The following SRPK2 variants were observed in gnomAD, a reference collection of about 807,000 sequenced individuals.
The protein encoded by SRPK2 is SRSF protein kinase 2.
In SRPK2, 21 loss-of-function variants were observed where a neutral mutation model predicts 90.8. The observed-to-expected ratio is 0.23, with a 90% CI of 0.16 to 0.33. The LOEUF is 0.33. SRPK2 is among the 10% of genes least tolerant of loss of function. The probability of loss-of-function intolerance (pLI) is 1.00; values close to 1 mark genes in which losing one functional copy is unlikely to be tolerated. For synonymous variants in SRPK2, 288 were observed against 311.1 expected, an observed-to-expected ratio of 0.93 and a Z score of 0.78; for missense variants, 620 against 869.0, an observed-to-expected ratio of 0.71 and a Z score of 3.60.
intron 2 of SRPK2, among the ~76,000 whole-genome samples, chr7:105,271,446 C>A (rs1257084341): frequency 6.6e-6 from 1 of 152,200 alleles, no homozygotes; most frequent in Non-Finnish European, 1.5e-5. Context: ...ACTCAGAAAT[C>A]AAGGAACGTT....
At chr7:105,324,035 C>T (rs1188814860) in intron 2 of SRPK2, among the ~76,000 whole-genome samples, 4 of 149,724 alleles carry the variant, frequency 2.7e-5, no homozygotes, top group Admixed American at 6.7e-5. Context: ...CTCACATTGT[C>T]GCCCGGGCTG....
At position 105,160,609 on chromosome 7, in the gene SRPK2, G is replaced by T; in HGVS notation, c.519C>A (p.Val173=). The change falls in exon 7 of 16, where the codon GTC becomes GTA. Residue 173 remains valine, a synonymous_variant. Coordinates refer to ENST00000393651, the MANE Select transcript of SRPK2 (RefSeq NM_182692.3). ...FKISGMNGIH[V]CMVFEVLGHH... is the part of the protein sequence containing the mutation. ...GGCCAAGTACTTCGAAGACCATGCA[G>T]ACATCTGGGACACAGTTAAGGATCG... The T allele has an allele frequency of 6.2e-7, 1 of 1,600,602 alleles. No individual in the cohort carries two copies. The highest frequency in any genetic ancestry group is 8.6e-7 in the Non-Finnish European group (1 of 1,167,864).
At chr7:105,383,511 C>A (rs1032872153) in intron 2 of SRPK2, among the ~76,000 whole-genome samples, 5 of 151,732 alleles carry the variant, frequency 3.3e-5, no homozygotes, top group African/African-American at 4.8e-5. Context: ...ACCTCCGTCT[C>A]CCAGGTTCAA....
chr7:105,396,780 GAGAAAGAAAGAAAGAGAA>G (rs1822337536), intron 1 of SRPK2, among the ~76,000 whole-genome samples: 1 of 141,950 alleles, frequency 7.0e-6, no homozygotes, highest in Admixed American at 7.3e-5. Context: ...AAGAAAGAGA[GAGAAAGAAAGAAAGAGAA>G]AGAGAAAGAA....
chr7:105,248,587 G>A (rs1402086699), intron 2 of SRPK2, among the ~76,000 whole-genome samples: 2 of 151,226 alleles, frequency 1.3e-5, no homozygotes, highest in African/African-American at 4.9e-5. Context: ...TGGTAACAGA[G>A]CAAGACCCTA....
At chr7:105,244,440 G>A (rs763809483) in intron 2 of SRPK2, among the ~76,000 whole-genome samples, 10 of 152,206 alleles carry the variant, frequency 6.6e-5, no homozygotes, top group Non-Finnish European at 1.3e-4. Context: ...CATGGTACCA[G>A]GCGCGCGCCT....
At chr7:105,215,917 G>C (rs981886188) in intron 2 of SRPK2, among the ~76,000 whole-genome samples, 1 of 152,048 alleles carries the variant, frequency 6.6e-6, no homozygotes, top group African/African-American at 2.4e-5. Context: ...AGGGCTGGGT[G>C]CAGCTGCACA....
upstream of SRPK2, among the ~76,000 whole-genome samples, chr7:105,390,817 A>T (rs1439352728): frequency 6.6e-6 from 1 of 151,782 alleles, no homozygotes; most frequent in South Asian, 2.1e-4. Flanking sequence ...CAGTTCCACC[A>T]TTTTGCAGAA....
At chr7:105,344,386 C>A (rs1816199787) in intron 2 of SRPK2, among the ~76,000 whole-genome samples, 2 of 150,140 alleles carry the variant, frequency 1.3e-5, no homozygotes, top group Admixed American at 6.7e-5. Context: ...TAGCTAGGAC[C>A]CCAGGTGTAT....
intron 11 of SRPK2, among the ~76,000 whole-genome samples, chr7:105,136,408 T>C (rs570104353): frequency 7.9e-5 from 12 of 152,284 alleles, no homozygotes; most frequent in African/African-American, 2.9e-4. Context: ...GTCACACGGT[T>C]TCCTTCTTAC....
chr7:105,141,914 C>T lies in SRPK2; in HGVS notation c.1543+94G>A. ...AACTGATCAGTACACACACACAGGG[C>T]TTGGCCACTTCCAGCCAATTCCTTC... On this transcript the variant is annotated intron_variant, in intron 11 of 15. Transcript: ENST00000393651. 4 of 1,426,472 alleles carry T rather than the reference C, an allele frequency of 2.8e-6. No individual in the cohort carries two copies. The South Asian group carries it at 5.5e-5, about 20-fold the overall frequency. The allele number at this position is 1,426,472 out of a possible 1,614,324, so 88.4% of individuals were successfully genotyped here.
intron 2 of SRPK2, among the ~76,000 whole-genome samples, chr7:105,365,967 G>A (rs1485968984): frequency 6.6e-6 from 1 of 151,486 alleles, no homozygotes; most frequent in African/African-American, 2.4e-5. Context: ...TGATTCTCCT[G>A]CCTCAGCCTC....
chr7:105,116,187 G>A (rs1489324100), downstream of SRPK2, among the ~76,000 whole-genome samples: 3 of 152,210 alleles, frequency 2.0e-5, no homozygotes, highest in African/African-American at 7.2e-5. Context: ...AATCTATACT[G>A]TAGCTTTTCT....
chr7:105,210,064 C>T (rs1796670600), intron 2 of SRPK2, among the ~76,000 whole-genome samples: 1 of 152,202 alleles, frequency 6.6e-6, no homozygotes. Context: ...GTCTCATCTG[C>T]TCTAAATTGC....
intron 3 of SRPK2, among the ~76,000 whole-genome samples, chr7:105,173,244 A>G (rs1026263556): frequency 3.9e-5 from 6 of 152,166 alleles, no homozygotes; most frequent in African/African-American, 1.4e-4. Context: ...TCAGCCTCCA[A>G]GAAGTACATG....
chr7:105,395,950 T>C (rs1380893085), intron 1 of SRPK2, among the ~76,000 whole-genome samples: 1 of 152,160 alleles, frequency 6.6e-6, no homozygotes, highest in African/African-American at 2.4e-5. Context: ...AGTTTCACTC[T>C]TGTTGCTCGG....
At chr7:105,122,506 C>G (rs188811495) in intron 15 of SRPK2, among the ~76,000 whole-genome samples, 1 of 152,088 alleles carries the variant, frequency 6.6e-6, no homozygotes, top group East Asian at 1.9e-4. Context: ...CTGTCAAATG[C>G]CCACGAAAGA....
chr7:105,120,630 A>G (rs1385106582), intron 15 of SRPK2, among the ~76,000 whole-genome samples: 1 of 152,124 alleles, frequency 6.6e-6, no homozygotes, highest in East Asian at 1.9e-4. Flanking sequence ...GCACTGCAAT[A>G]TAACAAAACA....
chr7:105,294,033 G>A (rs576027618), intron 2 of SRPK2, among the ~76,000 whole-genome samples: 1 of 152,288 alleles, frequency 6.6e-6, no homozygotes, highest in East Asian at 1.9e-4. Context: ...ATCCCTCGGA[G>A]TGATACAACA....
Sources: allele counts gnomAD v4.1 joint callset (sites outside exome capture counted in the v4.1 genomes callset), GRCh38; gene constraint gnomAD v4.1.1; transcripts MANE v1.5; gene names NCBI Gene and HGNC (gene_info 2026-07-23, HGNC 2026-07-21).